Variants in PAPOLA observed in about 807,000 individuals in gnomAD.
PAPOLA encodes the protein poly(A) polymerase alpha.
A neutral mutation model predicts 100.6 loss-of-function variants in PAPOLA; 15 were observed. The observed-to-expected ratio is 0.15, with a 90% CI of 0.10 to 0.23. The LOEUF (loss-of-function observed/expected upper bound fraction) is 0.23. PAPOLA is among the 10% of genes least tolerant of loss of function. The pLI is 1.00. For synonymous variants in PAPOLA, 293 were observed against 300.0 expected (o/e 0.98, Z 0.24); for missense variants, 533 against 884.2 (o/e 0.60, Z 5.04).
Position 96,535,914 on chromosome 14 carries a change from A to G in PAPOLA, c.945A>G (p.Ile315Met). ...NPSDRYHLMP[I>M]ITPAYPQQNS... ...GTGATAGGTACCATCTTATGCCTAT[A>G]ATTACACCAGCATACCCACAACAGA... Residue 315 changes from isoleucine (I) to methionine (M), a missense_variant, in exon 11 of 22, where the codon ATA becomes ATG. Ile to Met is a conservative substitution (Grantham distance 10, BLOSUM62 1). Transcript: ENST00000216277. 1.2e-6 allele frequency: 2 copies of G among 1,607,296 alleles called. No homozygotes were observed. Among genetic ancestry groups the G allele is most frequent in the Non-Finnish European group, 1.7e-6 (2 of 1,176,130 alleles).
chr14:96,520,823 A>G (rs554368977), intron 2 of PAPOLA, 183 bp from the exon 3 acceptor site: 1 of 521,416 alleles, frequency 1.9e-6, no homozygotes, highest in Non-Finnish European at 3.5e-6. Context: ...GCCTGTATAT[A>G]TATATAGAAA....
At chr14:96,524,472 GTCCCTTTCCCCTTCCCGT>G (rs1380540730) in intron 3 of PAPOLA, among the ~76,000 whole-genome samples, 17 of 152,054 alleles carry the variant, frequency 1.1e-4, no homozygotes, top group Admixed American at 1.1e-3. Context: ...CTGCTCTGCT[GTCCCTTTCCCCTTCCCGT>G]TCCCCTTCCC....
At chr14:96,512,262 TA>T (rs949564487) in intron 1 of PAPOLA, among the ~76,000 whole-genome samples, 2 of 148,798 alleles carry the variant, frequency 1.3e-5, no homozygotes, top group Non-Finnish European at 3.0e-5. Flanking sequence ...TACAAATAGT[TA>T]AAAAAAAAAC....
rs780617628 is a variant in PAPOLA, at chr14:96,555,960, G to C, written c.1765+13G>C. ...GAAAGCTCAGGGGGTAAGGAGATTGGGTTTGTCAGGTTTGAGAATTCTTAC... is the reference window on the plus strand; with the variant it reads ...GAAAGCTCAGGGGGTAAGGAGATTGCGTTTGTCAGGTTTGAGAATTCTTAC... On this transcript the variant is annotated intron_variant, in intron 18 of 21. Coordinates refer to ENST00000216277, the MANE Select transcript of PAPOLA (RefSeq NM_032632.5). The C allele has an allele frequency of 6.7e-7, 1 of 1,497,148 alleles. No individual in the cohort carries two copies. Among genetic ancestry groups the C allele is most frequent in the South Asian group, 1.1e-5 (1 of 87,694 alleles). The allele number at this position is 1,497,148 out of a possible 1,614,324, so 92.7% of individuals were successfully genotyped here.
intron 15 of PAPOLA, among the ~76,000 whole-genome samples, chr14:96,545,747 C>T (rs1900345445): frequency 6.6e-6 from 1 of 151,932 alleles, no homozygotes; most frequent in Non-Finnish European, 1.5e-5. Context: ...ACCTTTTAAT[C>T]AATACAATAA....
At chr14:96,523,561 T>C (rs377695949) in intron 3 of PAPOLA, among the ~76,000 whole-genome samples, 22 of 152,250 alleles carry the variant, frequency 1.4e-4, no homozygotes, top group African/African-American at 4.6e-4. Context: ...CACGTCTTGC[T>C]GGCTAATTTT....
rs768872475 is a variant in PAPOLA at position 96,542,933 on chromosome 14, A to C, written c.1289+40A>C. 6 of 1,602,094 alleles carry C rather than the reference A, an allele frequency of 3.7e-6. No individual in the cohort carries two copies. In the African/African-American group the frequency reaches 8.1e-5, roughly 22 times the overall value. ...AATTTAATTTCTTCTTCCCATTTCC[A>C]ATTTTTATTCATAGAAGCTTTTACA... On this transcript the variant is annotated intron_variant, in intron 14 of 21. Transcript: ENST00000216277.
chr14:96,547,946 A>G (rs1221749481), intron 16 of PAPOLA, 28 bp downstream of exon 16: 4 of 1,562,734 alleles, frequency 2.6e-6, no homozygotes, highest in African/African-American at 2.7e-5. Context: ...TTACAAAAGC[A>G]TTACTAACAT....
intron 4 of PAPOLA, chr14:96,526,584 C>T (rs191521816): frequency 1.9e-3 from 298 of 153,380 alleles, no homozygotes; most frequent in Non-Finnish European, 3.2e-3. Flanking sequence ...CATCCACTTG[C>T]CTCGGCCTCC....
At chr14:96,544,691 C>G (rs1223095814) in intron 15 of PAPOLA, among the ~76,000 whole-genome samples, 1 of 151,956 alleles carries the variant, frequency 6.6e-6, no homozygotes, top group African/African-American at 2.4e-5. Context: ...TAGAACCATT[C>G]CAAACTTGAC....
intron 19 of PAPOLA, among the ~76,000 whole-genome samples, chr14:96,559,579 C>CTATATA (rs1171924653): frequency 0.025 from 2,726 of 108,208 alleles, 31 homozygotes; most frequent in South Asian, 0.052. Context: ...CTCTCTCTCT[C>CTATATA]TCTATATATA....
Position 96,542,303 on chromosome 14 carries a change from AT to A in PAPOLA, c.1169+8del. 6.4e-7 allele frequency: 1 copy of A among 1,568,752 alleles called. No homozygotes were observed. The highest frequency in any genetic ancestry group is 8.8e-7 in the Non-Finnish European group (1 of 1,139,280). On this transcript the variant is annotated splice_region_variant and intron_variant, in intron 13 of 21. Transcript: ENST00000216277. ...AAAAACAACGCCTGGAATGGTGAGT[AT>A]AAGAATAGACTTTACAGAAAAAGCA...
intron 19 of PAPOLA, among the ~76,000 whole-genome samples, chr14:96,558,600 A>G (rs1450640215): frequency 6.6e-6 from 1 of 152,180 alleles, no homozygotes; most frequent in Non-Finnish European, 1.5e-5. Flanking sequence ...TTAAAAATAC[A>G]TATAAAAGAG....
chr14:96,503,620 G>A (rs1381787511), intron 1 of PAPOLA, among the ~76,000 whole-genome samples: 1 of 151,934 alleles, frequency 6.6e-6, no homozygotes, highest in African/African-American at 2.4e-5. Flanking sequence ...TTTGAGACCA[G>A]GGACCGAGTT....
chr14:96,510,942 T>TTA (rs1183197473), intron 1 of PAPOLA, among the ~76,000 whole-genome samples: 3 of 152,214 alleles, frequency 2.0e-5, no homozygotes, highest in African/African-American at 4.8e-5. Context: ...TTGAGATACT[T>TTA]TAGAGAGATC....
At chr14:96,505,577 G>A (rs1463584917) in intron 1 of PAPOLA, among the ~76,000 whole-genome samples, 3 of 152,082 alleles carry the variant, frequency 2.0e-5, no homozygotes, top group Non-Finnish European at 4.4e-5. Context: ...TAGCAAAAAT[G>A]TTTTCGGGGG....
chr14:96,544,299 C>A, intron 15 of PAPOLA, 41 bp downstream of exon 15: 1 of 955,862 alleles, frequency 1.0e-6, no homozygotes, highest in East Asian at 2.4e-5. Context: ...TCAGTTCTTG[C>A]ATATTTCAAA....
chr14:96,531,450 G>A (rs1446153001), intron 6 of PAPOLA, 25 bp from the exon 7 acceptor site: 2 of 1,550,638 alleles, frequency 1.3e-6, no homozygotes, highest in East Asian at 2.3e-5. Context: ...GACAGATATG[G>A]AATGTTGTTT....
At chr14:96,560,622 G>C (rs200076626) in intron 19 of PAPOLA, 27 bp from the exon 20 acceptor site, 94 of 1,525,640 alleles carry the variant, frequency 6.2e-5, no homozygotes, top group Non-Finnish European at 8.0e-5. Flanking sequence ...TCATTTTAGA[G>C]AATAAAGCTT....
Sources: gnomAD v4.1 joint callset for allele counts (sites outside exome capture counted in the v4.1 genomes callset) on GRCh38, gnomAD v4.1.1 for gene constraint, MANE v1.5 for transcripts, NCBI Gene and HGNC (gene_info 2026-07-23, HGNC 2026-07-21) for gene names.